Variants in RPS6KA3 observed in about 807,000 individuals in gnomAD.
RPS6KA3 encodes the protein ribosomal protein S6 kinase A3.
In RPS6KA3, 4 loss-of-function variants were observed where a neutral mutation model predicts 67.2. The observed-to-expected ratio is 0.06, with a 90% confidence interval of 0.03 to 0.14. The LOEUF (loss-of-function observed/expected upper bound fraction) is 0.14, where lower values mean the gene tolerates loss of function less well. Among genes scored for constraint, RPS6KA3 ranks in the 10% least tolerant of loss-of-function variants. The probability of loss-of-function intolerance (pLI) is 1.00; values close to 1 mark genes in which losing one functional copy is unlikely to be tolerated. For synonymous variants in RPS6KA3, 182 were observed against 183.7 expected (o/e 0.99, Z 0.07); for missense variants, 204 against 559.0 (o/e 0.36, Z 6.40).
At chrX:20,218,709 G>T in intron 2 of RPS6KA3, 1 of 636,645 alleles carries the variant, frequency 1.6e-6, no homozygotes, top group Non-Finnish European at 2.5e-6. Flanking sequence ...CTGCTTTAAA[G>T]AACATATAAA....
intron 4 of RPS6KA3, among the ~76,000 whole-genome samples, chrX:20,201,188 T>C (rs1031388613): frequency 9.0e-6 from 1 of 110,788 alleles, no homozygotes; most frequent in African/African-American, 3.3e-5. Context: ...CAGGCTGGAG[T>C]ACAGTGGTGT....
intron 13 of RPS6KA3, 37 bp from the exon 14 acceptor site, chrX:20,175,325 G>C (rs763919362): frequency 8.4e-7 from 1 of 1,195,483 alleles, no homozygotes; most frequent in Non-Finnish European, 1.1e-6. Context: ...AGATTCATTT[G>C]AAAGGAAATT....
chrX:20,156,876 T>C (rs1324806474), intron 20 of RPS6KA3, among the ~76,000 whole-genome samples: 2 of 77,042 alleles, frequency 2.6e-5, no homozygotes, highest in Admixed American at 3.3e-4. Flanking sequence ...AAGACTTTTT[T>C]TGTGCTGCTG....
rs2148658726 is a variant in RPS6KA3, at chrX:20,172,855, C to A, written c.1244G>T (p.Ser415Ile). ...HSIVQQLHRN[S>I]IQFTDGYEVK... ...TTCATATCCATCAGTAAACTGAATA[C>A]TGTTCCTGTGTAACTGCTACAAAAA... Residue 415 changes from serine (S) to isoleucine (I), a missense_variant, in exon 15 of 22, where the codon AGT (serine) becomes ATT (isoleucine). By Grantham distance (142) the Ser-to-Ile change is moderately radical. Around this residue, in one of 4 missense-constraint regions of RPS6KA3, gnomAD observed 24 missense variants for 25.1 expected, o/e 0.96. Transcript: ENST00000379565. 1 of 1,206,390 alleles carries A rather than the reference C, an allele frequency of 8.3e-7. No individual in the cohort carries two copies. Among genetic ancestry groups the A allele is most frequent in the South Asian group, 1.8e-5 (1 of 56,822 alleles).
In RPS6KA3 at chrX:20,151,135, A is replaced by C. The variant is rs759123950; in HGVS notation, c.*4263T>G. ...CTCAGTCACATTGGAACCAGCTGCA[A>C]ATCACTTGATCACACAGAATACAGC... On this transcript the variant is annotated 3_prime_UTR_variant, in exon 22 of 22. Coordinates refer to ENST00000379565, the MANE Select transcript of RPS6KA3 (RefSeq NM_004586.3). The C allele has an allele frequency of 8.9e-6, 1 of 112,807 alleles. No individual in the cohort carries two copies. The highest frequency in any genetic ancestry group is 1.9e-5 in the Non-Finnish European group (1 of 53,309). The allele number at this position is 112,807 out of a possible 1,213,427, so 9.3% of individuals were successfully genotyped here.
intron 8 of RPS6KA3, 134 bp downstream of exon 8, chrX:20,188,363 A>G (rs1279051383): frequency 2.3e-6 from 1 of 433,429 alleles, no homozygotes; most frequent in Non-Finnish European, 4.1e-6. Context: ...GGGGTGAGCC[A>G]CTACGCCTGG....
intron 10 of RPS6KA3, among the ~76,000 whole-genome samples, chrX:20,184,397 CTTTTT>C (rs1176222205): frequency 1.2e-5 from 1 of 86,466 alleles, no homozygotes; most frequent in Non-Finnish European, 2.3e-5. Context: ...CATTACTTTT[CTTTTT>C]TTTTTTTTTT....
intron 1 of RPS6KA3, among the ~76,000 whole-genome samples, chrX:20,240,005 T>C (rs973709351): frequency 1.8e-5 from 2 of 111,183 alleles, no homozygotes; most frequent in Non-Finnish European, 3.8e-5. Flanking sequence ...ATATAATTAG[T>C]TAAAAAATAC....
chrX:20,171,452 C>G (rs1280578444), intron 15 of RPS6KA3, among the ~76,000 whole-genome samples: 1 of 111,633 alleles, frequency 9.0e-6, no homozygotes, highest in Admixed American at 9.6e-5. Flanking sequence ...TAAGAGATGA[C>G]CTGGGACTAG....
rs187744471 is a variant in RPS6KA3 at position 20,193,434 on chromosome X, T to C, written c.593+53A>G. 14 of 732,506 alleles carry C rather than the reference T, an allele frequency of 1.9e-5. No individual in the cohort carries two copies. The African/African-American group carries it at 2.9e-4, about 15-fold the overall frequency. The allele number at this position is 732,506 out of a possible 1,213,427, so 60.4% of individuals were successfully genotyped here. ...CATGAAGCCACTTGATTTTTTATAA[T>C]CTCCTAAACAATCATATTACATTGT... On this transcript the variant is annotated intron_variant, in intron 7 of 21. Transcript: ENST00000379565.
At chrX:20,227,684 G>C (rs2069157087) in intron 2 of RPS6KA3, among the ~76,000 whole-genome samples, 1 of 107,846 alleles carries the variant, frequency 9.3e-6, no homozygotes, top group Admixed American at 9.8e-5. Context: ...TTGGAAAATT[G>C]CTTTTTTTTT....
rs1393811971 is a variant in RPS6KA3, at chrX:20,154,061, C to CG, written c.*1336dup. ...GGACTGAAGTTTCTTTCATCAAATA[C>CG]GATTGTGGAAACTACCAAATTAGAT... On this transcript the variant is annotated 3_prime_UTR_variant, in exon 22 of 22. Transcript: ENST00000379565. 1 of 112,177 alleles carries CG rather than the reference C, an allele frequency of 8.9e-6. No individual in the cohort carries two copies. The highest frequency in any genetic ancestry group is 3.2e-5 in the African/African-American group (1 of 30,839). The allele number at this position is 112,177 out of a possible 1,213,427, so 9.2% of individuals were successfully genotyped here.
chrX:20,168,916 G>A (rs962243111), intron 16 of RPS6KA3, among the ~76,000 whole-genome samples: 1 of 111,736 alleles, frequency 8.9e-6, no homozygotes, highest in African/African-American at 3.3e-5. Flanking sequence ...GCAGTGGTGC[G>A]ATAACTGCTC....
At chrX:20,230,927 C>T (rs2069246741) in intron 2 of RPS6KA3, among the ~76,000 whole-genome samples, 1 of 111,432 alleles carries the variant, frequency 9.0e-6, no homozygotes, top group Admixed American at 9.5e-5. Flanking sequence ...CATAATTTGT[C>T]TTAACAAATG....
At chrX:20,248,502 C>CA (rs1333911210) in intron 1 of RPS6KA3, among the ~76,000 whole-genome samples, 3 of 110,328 alleles carry the variant, frequency 2.7e-5, no homozygotes, top group Non-Finnish European at 5.7e-5. Context: ...TTTTTTGAGA[C>CA]AGAGTCTCGC....
chrX:20,263,788 G>A (rs2070299472), intron 1 of RPS6KA3, among the ~76,000 whole-genome samples: 1 of 111,237 alleles, frequency 9.0e-6, no homozygotes, highest in African/African-American at 3.3e-5. Flanking sequence ...AATATGTCAG[G>A]GCCAGGCATT....
intron 2 of RPS6KA3, among the ~76,000 whole-genome samples, chrX:20,226,012 C>A (rs1181685235): frequency 1.8e-5 from 2 of 110,212 alleles, no homozygotes; most frequent in African/African-American, 6.6e-5. Context: ...ACAGTAAAAC[C>A]CCATCTCTAA....
intron 1 of RPS6KA3, among the ~76,000 whole-genome samples, chrX:20,247,617 T>G (rs1203552278): frequency 9.1e-6 from 1 of 109,613 alleles, no homozygotes; most frequent in Non-Finnish European, 1.9e-5. Flanking sequence ...AAACCCCGTC[T>G]CTACTAAAAA....
chrX:20,179,447 G>A (rs1043160724), intron 10 of RPS6KA3, among the ~76,000 whole-genome samples: 4 of 110,805 alleles, frequency 3.6e-5, no homozygotes, highest in Non-Finnish European at 5.7e-5. Context: ...TATCATAGAC[G>A]GATCCTGGGG....
Sources: gnomAD v4.1 joint callset for allele counts (sites outside exome capture counted in the v4.1 genomes callset) on GRCh38, gnomAD v4.1.1 for gene constraint, gnomAD v4.1.1 regional missense constraint, MANE v1.5 for transcripts, NCBI Gene and HGNC (gene_info 2026-07-23, HGNC 2026-07-21) for gene names.